DCLRE1C: variants seen among roughly 807,000 people sequenced by gnomAD.
The protein encoded by DCLRE1C is protein artemis.
Under a neutral mutation model 61.4 loss-of-function variants are expected in DCLRE1C, and 47 were observed. That is an observed-to-expected ratio of 0.77 (90% CI 0.61 to 0.98). DCLRE1C has a LOEUF of 0.98. Ranked by LOEUF, DCLRE1C falls within the 50% of genes least tolerant of loss-of-function variation. DCLRE1C has a pLI of 0.00. For missense variants in DCLRE1C, 858 were observed against 816.0 expected (o/e 1.05, Z -0.63); for synonymous variants, 337 against 287.6 (o/e 1.17, Z -1.74).
At chr10:14,946,698 G>A (rs1009458942) in intron 2 of DCLRE1C, among the ~76,000 whole-genome samples, 1 of 151,516 alleles carries the variant, frequency 6.6e-6, no homozygotes, top group Non-Finnish European at 1.5e-5. Context: ...GGAGCTCACT[G>A]TCACCCAGGC....
At chr10:14,943,051 G>T (rs796510827) in intron 3 of DCLRE1C, among the ~76,000 whole-genome samples, 1 of 152,104 alleles carries the variant, frequency 6.6e-6, no homozygotes, top group South Asian at 2.1e-4. Context: ...TGCTTGAACC[G>T]GTTAGATGGA....
chr10:14,928,786 G>GTTTTT (rs1295642325), intron 9 of DCLRE1C, among the ~76,000 whole-genome samples: 1 of 133,642 alleles, frequency 7.5e-6, no homozygotes, highest in African/African-American at 2.8e-5. Context: ...GGTGTATGGT[G>GTTTTT]TTTTTTTTTT....
At chr10:14,903,948 C>G (rs971598982), downstream of DCLRE1C, 4 of 152,174 alleles carry the variant, frequency 2.6e-5, no homozygotes, top group African/African-American at 9.7e-5. Flanking sequence ...TTCACTCTTT[C>G]ATAATATATA....
intron 13 of DCLRE1C, 42 bp downstream of exon 13, chr10:14,919,696 G>A (rs1356407157): frequency 3.4e-6 from 5 of 1,470,708 alleles, no homozygotes; most frequent in Non-Finnish European, 3.8e-6. Flanking sequence ...AGCAGTGTTT[G>A]CAGGGAGCCC....
chr10:14,932,820 CA>C, intron 9 of DCLRE1C, 33 bp downstream of exon 9: 1 of 1,610,292 alleles, frequency 6.2e-7, no homozygotes, highest in East Asian at 2.2e-5. Context: ...ATAGATTACA[CA>C]AACAATACGA....
downstream of DCLRE1C, chr10:14,903,553 AAATT>A (rs1477302102): frequency 6.6e-6 from 1 of 152,198 alleles, no homozygotes; most frequent in Non-Finnish European, 1.5e-5. Flanking sequence ...TTTTATACAT[AAATT>A]TTTTTTAGAT....
At position 14,933,097 on chromosome 10, in the gene DCLRE1C, G is replaced by A; in HGVS notation, c.679-142C>T. 3 of 896,150 alleles carry A rather than the reference G, an allele frequency of 3.3e-6. No homozygotes were observed. In the Admixed American group the frequency reaches 6.0e-5, roughly 18 times the overall value. The allele number at this position is 896,150 out of a possible 1,614,324, so 55.5% of individuals were successfully genotyped here. ...GAAAAGTAGTTTTTGGCTATTCAGT[G>A]CACTCTGGTATTCCGCCAGCATGTC... On this transcript the variant is annotated intron_variant, in intron 8 of 13. Transcript: ENST00000378278.
chr10:14,954,222 C>T, upstream of DCLRE1C: 3 of 724,712 alleles, frequency 4.1e-6, no homozygotes, highest in Non-Finnish European at 6.9e-6. Flanking sequence ...TTTAAATCAC[C>T]CGCGCTTCGC....
rs201983161 is a variant in DCLRE1C at position 14,941,504 on chromosome 10, T to A, written c.247-1635A>T. On this transcript the variant is annotated intron_variant, in intron 3 of 13. Coordinates refer to ENST00000378278, the MANE Select transcript of DCLRE1C (RefSeq NM_001033855.3). ...GTTTTGCAGTATTGCCCAGGCCGGTTTCGAACTCCTGGACTCACACAATTG... is the reference window on the plus strand; with the variant it reads ...GTTTTGCAGTATTGCCCAGGCCGGTATCGAACTCCTGGACTCACACAATTG... Among the ~76,000 whole-genome samples, 8 of 152,290 alleles carry A rather than the reference T, an allele frequency of 5.3e-5. No homozygotes were observed. In the South Asian group the frequency reaches 1.0e-3, roughly 20 times the overall value.
intron 10 of DCLRE1C, among the ~76,000 whole-genome samples, chr10:14,927,380 T>G (rs1272505467): frequency 1.4e-5 from 2 of 144,172 alleles, no homozygotes; most frequent in Non-Finnish European, 3.0e-5. Context: ...GTGAGATTCT[T>G]TCTCCACACA....
rs1236968315 is a variant in DCLRE1C, at chr10:14,906,141, C to G, written c.*2267G>C. On this transcript the variant is annotated 3_prime_UTR_variant, in exon 14 of 14. Transcript: ENST00000378278. Reference sequence around the variant, plus strand: ...ATCATGGTCTCTGAAGCCAAACTGCCTGTGTTTGAATTCTGCCTGTGCCTC... The same window carrying G: ...ATCATGGTCTCTGAAGCCAAACTGCGTGTGTTTGAATTCTGCCTGTGCCTC... 6.6e-6 allele frequency among the ~76,000 whole-genome samples: 1 copy of G among 152,192 alleles called. No individual in the cohort carries two copies. The highest frequency in any genetic ancestry group is 1.5e-5 in the Non-Finnish European group (1 of 68,028).
At chr10:14,914,258 A>G (rs1835790285) in intron 13 of DCLRE1C, among the ~76,000 whole-genome samples, 2 of 152,240 alleles carry the variant, frequency 1.3e-5, no homozygotes, top group South Asian at 4.1e-4. Context: ...TAGATTGTAG[A>G]ACTAAGAATG....
chr10:14,951,883 T>C (rs1842515991), intron 1 of DCLRE1C, among the ~76,000 whole-genome samples: 1 of 152,178 alleles, frequency 6.6e-6, no homozygotes, highest in East Asian at 1.9e-4. Flanking sequence ...TTTGTGGAGA[T>C]AGTCCATATC....
intron 2 of DCLRE1C, among the ~76,000 whole-genome samples, chr10:14,948,703 C>T (rs1842028599): frequency 6.6e-6 from 1 of 151,488 alleles, no homozygotes; most frequent in African/African-American, 2.4e-5. Flanking sequence ...TAGCAAAACT[C>T]CATCTCTGTT....
At position 14,909,169 on chromosome 10, in the gene DCLRE1C, A is replaced by G. The variant is rs1480062539; in HGVS notation, c.1318T>C (p.Cys440Arg). Residue 440 changes from cysteine (C) to arginine (R), a missense_variant, in exon 14 of 14, where the codon TGT becomes CGT. Around this residue, in one of 2 missense-constraint regions of DCLRE1C, gnomAD observed 843 missense variants for 783.5 expected, o/e 1.08. Transcript: ENST00000378278. ...RQTPGCCRAE[C>R]MQSSRFTNFV... Reference sequence around the variant, plus strand: ...TTTGTGAAACGAGAGCTCTGCATACACTCTGCTCTGCAGCATCCTGGGGTT... The same window carrying G: ...TTTGTGAAACGAGAGCTCTGCATACGCTCTGCTCTGCAGCATCCTGGGGTT... 1 of 1,613,786 alleles carries G rather than the reference A, an allele frequency of 6.2e-7. No homozygotes were observed. The highest frequency in any genetic ancestry group is 2.2e-5 in the East Asian group (1 of 44,890).
chr10:14,951,656 T>C (rs11259407), intron 1 of DCLRE1C, among the ~76,000 whole-genome samples: 3 of 151,944 alleles, frequency 2.0e-5, no homozygotes, highest in Non-Finnish European at 4.4e-5. Flanking sequence ...AGGGCACTTT[T>C]CCTAACTTAC....
chr10:14,912,940 C>T (rs1250712639), intron 13 of DCLRE1C, among the ~76,000 whole-genome samples: 1 of 143,542 alleles, frequency 7.0e-6, no homozygotes, highest in African/African-American at 2.6e-5. Flanking sequence ...CCTTGGCCTC[C>T]CAAAGTGCTG....
Position 14,934,492 on chromosome 10 carries a change from A to C in DCLRE1C, c.566T>G (p.Leu189Arg). 6.2e-7 allele frequency: 1 copy of C among 1,614,200 alleles called. No homozygotes were observed. Among genetic ancestry groups the C allele is most frequent in the Non-Finnish European group, 8.5e-7 (1 of 1,180,040 alleles). The change falls in exon 8 of 14, where the codon CTG (leucine) becomes CGG (arginine). Residue 189 changes from leucine (L) to arginine (R), a missense_variant. Leu to Arg is a moderately radical substitution (Grantham distance 102). Coordinates refer to ENST00000378278, the MANE Select transcript of DCLRE1C (RefSeq NM_001033855.3). ...REECLSGVLE[L>R]VRSWITRSPY... ...GCTCCGAGTGATCCAGCTTCGGACC[A>C]GCTCTAAGACTCCACTTAAACACTC...
chr10:14,900,452 A>G (rs1272050727), downstream of DCLRE1C, among the ~76,000 whole-genome samples: 1 of 152,206 alleles, frequency 6.6e-6, no homozygotes, highest in Non-Finnish European at 1.5e-5. Flanking sequence ...ATAGTAAGAA[A>G]TTGGTGTATG....
Sources: allele counts gnomAD v4.1 joint callset (sites outside exome capture counted in the v4.1 genomes callset), GRCh38; gene constraint gnomAD v4.1.1; regional missense constraint gnomAD v4.1.1; transcripts MANE v1.5; gene names NCBI Gene and HGNC (gene_info 2026-07-23, HGNC 2026-07-21).